Variants in RNF220 observed in about 807,000 individuals in gnomAD.
RNF220 encodes ring finger protein 220, also known as E3 ubiquitin-protein ligase RNF220.
A neutral mutation model predicts 67.1 loss-of-function variants in RNF220; 7 were observed. That is an observed-to-expected ratio of 0.10 (90% CI 0.06 to 0.20). The LOEUF (loss-of-function observed/expected upper bound fraction) is 0.20. Ranked by LOEUF, RNF220 falls within the 10% of genes least tolerant of loss-of-function variation. RNF220 has a pLI of 1.00. For missense variants in RNF220, 565 were observed against 740.3 expected, an observed-to-expected ratio of 0.76 and a Z score of 2.75; for synonymous variants, 270 against 283.2, an observed-to-expected ratio of 0.95 and a Z score of 0.47.
chr1:44,648,689 CAA>C (rs1439862502), intron 12 of RNF220: 2 of 152,154 alleles, frequency 1.3e-5, no homozygotes, highest in Non-Finnish European at 2.9e-5. Flanking sequence ...AGGGCTGTGG[CAA>C]AGAGACCTAG....
intron 1 of RNF220, among the ~76,000 whole-genome samples, chr1:44,405,785 T>C (rs900097939): frequency 7.0e-6 from 1 of 143,272 alleles, no homozygotes; most frequent in Non-Finnish European, 1.5e-5. Context: ...TGAGTTTTCC[T>C]TAATGTGTTT....
upstream of RNF220, chr1:44,405,218 T>C (rs547306468): frequency 2.7e-4 from 92 of 341,474 alleles, no homozygotes; most frequent in Non-Finnish European, 4.1e-4. Context: ...TGTGCGCGCG[T>C]GTGTGTGTCT....
chr1:44,524,589 C>T (rs1278781821), intron 2 of RNF220, among the ~76,000 whole-genome samples: 1 of 152,184 alleles, frequency 6.6e-6, no homozygotes, highest in African/African-American at 2.4e-5. Flanking sequence ...TCTCTCCCTG[C>T]GTCTTGCTCT....
chr1:44,441,197 G>C (rs945819439), intron 2 of RNF220, among the ~76,000 whole-genome samples: 17 of 152,172 alleles, frequency 1.1e-4, no homozygotes, highest in Admixed American at 5.9e-4. Flanking sequence ...AGAGAATAGT[G>C]TGTCAGGCCG....
intron 2 of RNF220, among the ~76,000 whole-genome samples, chr1:44,577,869 C>T (rs1664930141): frequency 6.6e-6 from 1 of 150,770 alleles, no homozygotes; most frequent in Non-Finnish European, 1.5e-5. Context: ...AAGGGTCTCA[C>T]CCTATCCCCC....
intron 2 of RNF220, among the ~76,000 whole-genome samples, chr1:44,423,417 T>C (rs1649433601): frequency 6.6e-6 from 1 of 152,210 alleles, no homozygotes; most frequent in African/African-American, 2.4e-5. Flanking sequence ...TTCTTGAGAA[T>C]ATCCATTTGG....
At chr1:44,544,953 A>G (rs1015178569) in intron 2 of RNF220, among the ~76,000 whole-genome samples, 4 of 152,252 alleles carry the variant, frequency 2.6e-5, no homozygotes, top group East Asian at 3.8e-4. Flanking sequence ...GAATGAGTTA[A>G]TGCAACCAGG....
At chr1:44,632,581 C>T (rs1390921103) in intron 6 of RNF220, 196 bp downstream of exon 6, 9 of 629,220 alleles carry the variant, frequency 1.4e-5, no homozygotes, top group South Asian at 5.6e-5. Flanking sequence ...AGGTATGGCG[C>T]CCAGCTCTTG....
At chr1:44,527,460 C>T (rs1385676187) in intron 2 of RNF220, among the ~76,000 whole-genome samples, 1 of 152,012 alleles carries the variant, frequency 6.6e-6, no homozygotes, top group African/African-American at 2.4e-5. Context: ...TACCTTATAT[C>T]AGAATTAATG....
chr1:44,440,167 T>A (rs1165739768), intron 2 of RNF220, among the ~76,000 whole-genome samples: 3 of 152,212 alleles, frequency 2.0e-5, no homozygotes, highest in Admixed American at 2.0e-4. Flanking sequence ...TAAATAAAAT[T>A]AAATTTTTAT....
At chr1:44,638,247 C>A (rs1644387430) in intron 8 of RNF220, 1 of 152,316 alleles carries the variant, frequency 6.6e-6, no homozygotes, top group African/African-American at 2.4e-5. Context: ...GGCCGGGCTG[C>A]AAGCCGGGCA....
At chr1:44,485,888 C>T (rs1441152839) in intron 2 of RNF220, among the ~76,000 whole-genome samples, 6 of 151,084 alleles carry the variant, frequency 4.0e-5, no homozygotes, top group Admixed American at 1.3e-4. Flanking sequence ...ATAGGGGAAC[C>T]GTGTTGTTAC....
In RNF220 at chr1:44,411,991, G is replaced by A; in HGVS notation, c.-107G>A. 5.5e-6 allele frequency: 7 copies of A among 1,272,124 alleles called. No individual in the cohort carries two copies. Among genetic ancestry groups the A allele is most frequent in the Non-Finnish European group, 7.6e-6 (7 of 917,738 alleles). The allele number at this position is 1,272,124 out of a possible 1,614,324, so 78.8% of individuals were successfully genotyped here. A position where few individuals can be genotyped will look rare whatever the true frequency, so the allele number is the denominator to read the frequency against. Reference sequence around the variant, plus strand: ...TTGCTGTTTCTACAGGTCTTAGGAGGGAATGATTCCCCAGTAATATTCCCT... The same window carrying A: ...TTGCTGTTTCTACAGGTCTTAGGAGAGAATGATTCCCCAGTAATATTCCCT... On this transcript the variant is annotated 5_prime_UTR_variant, in exon 2 of 15. Transcript: ENST00000361799.
At chr1:44,563,624 A>T (rs1663762505) in intron 2 of RNF220, among the ~76,000 whole-genome samples, 1 of 152,194 alleles carries the variant, frequency 6.6e-6, no homozygotes, top group Non-Finnish European at 1.5e-5. Flanking sequence ...ATATAGTTTC[A>T]AATCCTAGCT....
chr1:44,600,734 T>G lies in RNF220; in HGVS notation c.626-13431T>G, dbSNP rs1163483195. On this transcript the variant is annotated intron_variant, in intron 2 of 14. Coordinates refer to ENST00000361799, the MANE Select transcript of RNF220 (RefSeq NM_018150.4). This position sits in a 1 kb window ranked among gnomAD's most constrained non-coding sequence, Gnocchi z 4.0. ...TACTCGGGAGGCTGAGGCAGGAGAA[T>G]CACTTGAACCCGGGAGGCAGAGGTT... Among the ~76,000 whole-genome samples the G allele has an allele frequency of 1.3e-5, 2 of 151,774 alleles. No homozygotes were observed. Among genetic ancestry groups the G allele is most frequent in the Non-Finnish European group, 2.9e-5 (2 of 67,978 alleles).
chr1:44,615,899 G>A (rs1266217670), intron 3 of RNF220, among the ~76,000 whole-genome samples: 1 of 152,202 alleles, frequency 6.6e-6, no homozygotes, highest in Non-Finnish European at 1.5e-5. Context: ...GATGGTTGTG[G>A]GTAGTAGTGG....
At chr1:44,435,188 T>C (rs1037499245) in intron 2 of RNF220, among the ~76,000 whole-genome samples, 1 of 152,152 alleles carries the variant, frequency 6.6e-6, no homozygotes, top group Non-Finnish European at 1.5e-5. Context: ...GAGTGCGACA[T>C]GCTGAGCAAC....
In RNF220 at chr1:44,632,400, G is replaced by GGCCCCGC; in HGVS notation, c.949+15_949+16insGCCCCGC. The GGCCCCGC allele has an allele frequency of 6.2e-7, 1 of 1,607,448 alleles. No homozygotes were observed. Among genetic ancestry groups the GGCCCCGC allele is most frequent in the Non-Finnish European group, 8.5e-7 (1 of 1,177,490 alleles). ...CCGACTGAATGGTGAGTCCTGCCCG[G>GGCCCCGC]CCCCTCCCTCCGCCCCACCCCCGGC... On this transcript the variant is annotated intron_variant, in intron 6 of 14. Transcript: ENST00000361799.
chr1:44,625,704 G>A (rs1385301307), intron 4 of RNF220, among the ~76,000 whole-genome samples: 5 of 152,042 alleles, frequency 3.3e-5, no homozygotes, highest in Admixed American at 2.0e-4. Context: ...ACAATTTCAA[G>A]CAGACAGTTT....
Sources: gnomAD v4.1 joint callset for allele counts (sites outside exome capture counted in the v4.1 genomes callset) on GRCh38, gnomAD v4.1.1 for gene constraint, Gnocchi (gnomAD v3.1) non-coding constraint, MANE v1.5 for transcripts, NCBI Gene and HGNC (gene_info 2026-07-23, HGNC 2026-07-21) for gene names.